The following XDH variants were observed in gnomAD, a reference collection of about 807,000 sequenced individuals.
XDH encodes xanthine dehydrogenase/oxidase.
Under a neutral mutation model 156.1 loss-of-function variants are expected in XDH, and 138 were observed. The ratio of observed to expected loss-of-function variants is 0.88; its 90% CI spans 0.77 to 1.02. XDH has a LOEUF of 1.02. Among genes scored for constraint, XDH ranks in the 50% least tolerant of loss-of-function variants. XDH has a pLI of 0.00. For synonymous variants in XDH, 669 were observed against 625.7 expected (o/e 1.07, Z -1.03); for missense variants, 1,849 against 1,684.9 (o/e 1.10, Z -1.71).
chr2:31,382,877 T>C, intron 11 of XDH, 124 bp downstream of exon 11: 1 of 1,428,308 alleles, frequency 7.0e-7, no homozygotes, highest in South Asian at 1.2e-5. Context: ...GCACTGCTCC[T>C]CCCAGGCAAC....
At chr2:31,398,778 A>G in intron 4 of XDH, 79 bp from the exon 5 acceptor site, 1 of 1,599,048 alleles carries the variant, frequency 6.3e-7, no homozygotes. Flanking sequence ...TGGAGCCAGC[A>G]CATGTTGAGA....
At chr2:31,381,585 TTTCTCCCCCAAG>T in intron 12 of XDH, 36 bp downstream of exon 12, 1 of 1,592,536 alleles carries the variant, frequency 6.3e-7, no homozygotes, top group Non-Finnish European at 8.6e-7. Context: ...TGGTGAGACT[TTTCTCCCCCAAG>T]TCCTTCTTCC....
intron 14 of XDH, among the ~76,000 whole-genome samples, chr2:31,375,760 AC>A (rs1686228296): frequency 6.6e-6 from 1 of 152,234 alleles, no homozygotes; most frequent in East Asian, 1.9e-4. Context: ...ATTTTAAAAG[AC>A]CACCAAAATA....
chr2:31,406,081 A>G, intron 1 of XDH, 117 bp from the exon 2 acceptor site: 1 of 1,197,556 alleles, frequency 8.4e-7, no homozygotes, highest in South Asian at 1.3e-5. Context: ...GAAGTGTGAT[A>G]TAGTTTGCAC....
At chr2:31,361,288 G>A (rs1246108428) in intron 24 of XDH, among the ~76,000 whole-genome samples, 1 of 152,182 alleles carries the variant, frequency 6.6e-6, no homozygotes, top group Non-Finnish European at 1.5e-5. Flanking sequence ...TCTCAAAACT[G>A]TTCTATCAAA....
chr2:31,359,717 T>C (rs1685724169), intron 24 of XDH, among the ~76,000 whole-genome samples: 1 of 152,148 alleles, frequency 6.6e-6, no homozygotes, highest in Non-Finnish European at 1.5e-5. Flanking sequence ...GAGGAGATAT[T>C]GGGGAAGACT....
chr2:31,399,297 A>G (rs1686993340), intron 4 of XDH, among the ~76,000 whole-genome samples: 1 of 152,176 alleles, frequency 6.6e-6, no homozygotes. Context: ...TCAAAGCTGA[A>G]GTTGTAAATG....
At chr2:31,383,711 A>G in intron 10 of XDH, 44 bp downstream of exon 10, 2 of 1,585,872 alleles carry the variant, frequency 1.3e-6, no homozygotes, top group Non-Finnish European at 1.7e-6. Flanking sequence ...ACCTATCCCC[A>G]GCCTCACAGC....
In XDH at chr2:31,403,064, G is replaced by A. The variant is rs1203490445; in HGVS notation, c.181C>T (p.Leu61=). The A allele has an allele frequency of 6.2e-7, 1 of 1,614,166 alleles. No individual in the cohort carries two copies. The highest frequency in any genetic ancestry group is 2.2e-5 in the East Asian group (1 of 44,868). The change falls in exon 3 of 36, where the codon CTG becomes TTG. Residue 61 remains leucine (L), a synonymous_variant. Transcript: ENST00000379416. ...AAAGGATACACGATCTTGTTCTGCA[G>A]ACGATCATACTTGGAGAGCATCACT... ...CTVMLSKYDR[L]QNKIVHFSAN... is the part of the protein sequence containing the mutation.
intron 32 of XDH, 73 bp from the exon 33 acceptor site, chr2:31,341,467 T>C: frequency 6.8e-7 from 1 of 1,472,796 alleles, no homozygotes; most frequent in Non-Finnish European, 9.3e-7. Flanking sequence ...TGACTCATAG[T>C]GACCCTCAGA....
At chr2:31,380,567 G>A (rs912513049) in intron 12 of XDH, among the ~76,000 whole-genome samples, 2 of 152,210 alleles carry the variant, frequency 1.3e-5, no homozygotes, top group African/African-American at 2.4e-5. Flanking sequence ...AGCTTTCCTG[G>A]TAGGCAAGGC....
intron 20 of XDH, among the ~76,000 whole-genome samples, chr2:31,367,293 A>G (rs1685942444): frequency 6.6e-6 from 1 of 152,220 alleles, no homozygotes. Flanking sequence ...AAAAACCATC[A>G]TTGTAAAATT....
intron 17 of XDH, among the ~76,000 whole-genome samples, chr2:31,371,823 C>T (rs1572538398): frequency 6.6e-6 from 1 of 152,186 alleles, no homozygotes; most frequent in South Asian, 2.1e-4. Context: ...TCCTAGTCCA[C>T]ACAGTGGGCC....
At chr2:31,336,132 C>T (rs748208006) in intron 35 of XDH, 124 bp from the exon 36 acceptor site, 1 of 1,056,020 alleles carries the variant, frequency 9.5e-7, no homozygotes, top group Non-Finnish European at 1.5e-6. Context: ...ACTCTGCAGG[C>T]CTAGCTGTTG....
rs776819969 is a variant in XDH at position 31,335,994 on chromosome 2, G to C, written c.3966C>G (p.Val1322=). Residue 1322 remains valine, a synonymous_variant, in exon 36 of 36, where the codon GTC becomes GTG. Transcript: ENST00000379416. ...CAGACCAGGGTTTGCAGTTTTCTGG[G>C]ACACCAGTGACACACTAGGAAGGAA... ...DKFTTLCVTG[V]PENCKPWSVR... The C allele has an allele frequency of 4.3e-6, 7 of 1,614,148 alleles. No individual in the cohort carries two copies. Among genetic ancestry groups the C allele is most frequent in the Non-Finnish European group, 8.5e-7 (1 of 1,180,036 alleles).
intron 12 of XDH, among the ~76,000 whole-genome samples, chr2:31,381,363 G>A (rs1050608713): frequency 1.8e-4 from 28 of 152,184 alleles, no homozygotes; most frequent in African/African-American, 6.5e-4. Context: ...AGATCCAACA[G>A]CAGGCTGTGG....
chr2:31,370,399 T>G lies in XDH; in HGVS notation c.1936A>C (p.Ile646Leu). ...ISADDVPGSN[I>L]TGICNDETVF... is the part of the protein sequence containing the mutation. The stretch of plus-strand genomic sequence containing the variant: ...GTCTCATCATTACAAATTCCAGTTA[T>G]GTTACTCCCAGGAACATCATCAGCG... The change falls in exon 18 of 36, where the codon ATA (isoleucine) becomes CTA (leucine). Residue 646 changes from isoleucine (I) to leucine (L), a missense_variant. Coordinates refer to ENST00000379416, the MANE Select transcript of XDH (RefSeq NM_000379.4). The G allele has an allele frequency of 1.2e-6, 2 of 1,614,238 alleles. No individual in the cohort carries two copies. Among genetic ancestry groups the G allele is most frequent in the Non-Finnish European group, 1.7e-6 (2 of 1,180,040 alleles).
Position 31,366,945 on chromosome 2 carries a change from G to A in XDH, c.2247C>T (p.Cys749=), listed in dbSNP as rs1407264505. The A allele has an allele frequency of 1.2e-6, 2 of 1,614,024 alleles. No individual in the cohort carries two copies. The highest frequency in any genetic ancestry group is 2.7e-5 in the African/African-American group (2 of 74,950). Residue 749 remains cysteine, a synonymous_variant, in exon 21 of 36, where the codon TGC becomes TGT. Coordinates refer to ENST00000379416, the MANE Select transcript of XDH (RefSeq NM_000379.4). ...GQEHFYLETH[C]TIAVPKGEAG... is the part of the protein sequence containing the mutation. Reference sequence around the variant, plus strand: ...CCTCGCCTTTTGGAACAGCAATGGTGCAGTGAGTCTCCAGGTAGAAGTGCT... The same window carrying A: ...CCTCGCCTTTTGGAACAGCAATGGTACAGTGAGTCTCCAGGTAGAAGTGCT...
At position 31,401,293 on chromosome 2, in the gene XDH, C is replaced by T. The variant is rs764137598; in HGVS notation, c.233G>A (p.Cys78Tyr). The part of the protein sequence containing the change: ...FSANACLAPI[C>Y]SLHHVAVTTV... Reference sequence around the variant, plus strand: ...TGTCACTGCAACATGGTGCAAGGAGCAGATGGGGGCCAGGCAGGCATTGGC... The same window carrying T: ...TGTCACTGCAACATGGTGCAAGGAGTAGATGGGGGCCAGGCAGGCATTGGC... Residue 78 changes from cysteine to tyrosine, a missense_variant, in exon 4 of 36, where the codon TGC becomes TAC. By Grantham distance (194) the Cys-to-Tyr change is radical. Coordinates refer to ENST00000379416, the MANE Select transcript of XDH (RefSeq NM_000379.4). 4.3e-6 allele frequency: 7 copies of T among 1,614,194 alleles called. No homozygotes were observed. The highest frequency in any genetic ancestry group is 5.9e-6 in the Non-Finnish European group (7 of 1,180,034).
Sources: allele counts gnomAD v4.1 joint callset (sites outside exome capture counted in the v4.1 genomes callset), GRCh38; gene constraint gnomAD v4.1.1; transcripts MANE v1.5; gene names NCBI Gene and HGNC (gene_info 2026-07-23, HGNC 2026-07-21).